The following ACER3 variants were observed in gnomAD, a reference collection of about 807,000 sequenced individuals.
The protein encoded by ACER3 is alkaline ceramidase 3.
Under a neutral mutation model 48.9 loss-of-function variants are expected in ACER3, and 16 were observed. The ratio of observed to expected loss-of-function variants is 0.33; its 90% CI spans 0.22 to 0.50. ACER3 has a LOEUF of 0.50. ACER3 is among the 20% of genes least tolerant of loss of function. The pLI, the probability that ACER3 is intolerant of heterozygous loss-of-function variation, is 0.98. For missense variants in ACER3, 227 were observed against 326.0 expected (o/e 0.70, Z 2.34); for synonymous variants, 109 against 107.8 (o/e 1.01, Z -0.07).
intron 2 of ACER3, among the ~76,000 whole-genome samples, chr11:76,950,405 AT>A (rs1947628656): frequency 3.5e-5 from 1 of 28,706 alleles, no homozygotes; most frequent in African/African-American, 9.4e-5. Context: ...ATATATATAT[AT>A]ATATAATTTA....
rs1447825186 is a variant in ACER3 at position 76,907,602 on chromosome 11, G to A, written c.104-18955G>A. 3.9e-5 allele frequency among the ~76,000 whole-genome samples: 6 copies of A among 152,294 alleles called. No individual in the cohort carries two copies. The East Asian group carries it at 1.2e-3, about 29-fold the overall frequency. ...ATAAGCCAATAAAGCCGGGCACAGT[G>A]GCTCACACCTGTAATCCCAGTGCTT... On this transcript the variant is annotated intron_variant, in intron 1 of 10. Coordinates refer to ENST00000532485, the MANE Select transcript of ACER3 (RefSeq NM_018367.7).
chr11:76,960,048 C>T (rs1439649421), intron 3 of ACER3, among the ~76,000 whole-genome samples: 1 of 152,092 alleles, frequency 6.6e-6, no homozygotes, highest in African/African-American at 2.4e-5. Flanking sequence ...ATCTGAGCTA[C>T]ATTTGTAATT....
At chr11:76,882,358 C>T (rs1317859875) in intron 1 of ACER3, among the ~76,000 whole-genome samples, 1 of 152,004 alleles carries the variant, frequency 6.6e-6, no homozygotes, top group Non-Finnish European at 1.5e-5. Context: ...TTTGATTGAC[C>T]TATCTTTATG....
At chr11:76,940,977 G>A (rs748659384) in intron 2 of ACER3, among the ~76,000 whole-genome samples, 1 of 150,986 alleles carries the variant, frequency 6.6e-6, no homozygotes, top group Non-Finnish European at 1.5e-5. Flanking sequence ...ATTTTACACT[G>A]AGTTAAGTCT....
At chr11:76,909,774 G>A (rs7129222) in intron 1 of ACER3, among the ~76,000 whole-genome samples, 106,356 of 151,896 alleles carry the variant, frequency 0.7, 37,521 homozygotes, top group Non-Finnish European at 0.74. Flanking sequence ...TACTGGGTAT[G>A]TACCCAAAGG....
intron 2 of ACER3, among the ~76,000 whole-genome samples, chr11:76,956,725 G>C (rs1252387058): frequency 7.0e-6 from 1 of 142,660 alleles, no homozygotes; most frequent in Non-Finnish European, 1.5e-5. Flanking sequence ...GTTATTGTGT[G>C]ACTTTAAATA....
chr11:76,950,831 T>A (rs1037197295), intron 2 of ACER3, among the ~76,000 whole-genome samples: 3 of 152,152 alleles, frequency 2.0e-5, no homozygotes, highest in African/African-American at 7.2e-5. Flanking sequence ...ATAGCCTTGT[T>A]ATAACCACAG....
chr11:76,903,887 A>G (rs907154817), intron 1 of ACER3, among the ~76,000 whole-genome samples: 5 of 152,112 alleles, frequency 3.3e-5, no homozygotes, highest in African/African-American at 1.2e-4. Context: ...GTCTGATAGG[A>G]GACATTTACT....
Position 77,021,135 on chromosome 11 carries a change from A to T in ACER3, c.*808A>T, listed in dbSNP as rs1188961520. 6.6e-6 allele frequency: 1 copy of T among 152,222 alleles called. No individual in the cohort carries two copies. Among genetic ancestry groups the T allele is most frequent in the African/African-American group, 2.4e-5 (1 of 41,452 alleles). The allele number at this position is 152,222 out of a possible 1,614,324, so 9.4% of individuals were successfully genotyped here. On this transcript the variant is annotated 3_prime_UTR_variant, in exon 11 of 11. Coordinates refer to ENST00000532485, the MANE Select transcript of ACER3 (RefSeq NM_018367.7). ...CTGTTTCTACGGCTAGACAAATATGACTGGTGGTCTAGACTACCCATAGTT... is the reference window on the plus strand; with the variant it reads ...CTGTTTCTACGGCTAGACAAATATGTCTGGTGGTCTAGACTACCCATAGTT...
chr11:77,004,699 A>T (rs1473870113), intron 7 of ACER3, among the ~76,000 whole-genome samples: 4 of 152,170 alleles, frequency 2.6e-5, no homozygotes, highest in African/African-American at 9.7e-5. Flanking sequence ...TTTGCTCTGA[A>T]GTCTAATTTA....
At chr11:77,001,324 C>T (rs1335519157) in intron 7 of ACER3, among the ~76,000 whole-genome samples, 1 of 152,094 alleles carries the variant, frequency 6.6e-6, no homozygotes, top group Non-Finnish European at 1.5e-5. Context: ...GGCATGATCT[C>T]GGCTCGCTGC....
chr11:76,861,447 C>G (rs932747954), intron 1 of ACER3, among the ~76,000 whole-genome samples: 3 of 152,008 alleles, frequency 2.0e-5, no homozygotes, highest in Non-Finnish European at 4.4e-5. Flanking sequence ...GGACCCTGCC[C>G]CTTGGAATGA....
chr11:76,952,135 TATATACACACACAC>T (rs1168438762), intron 2 of ACER3, among the ~76,000 whole-genome samples: 4 of 143,614 alleles, frequency 2.8e-5, no homozygotes, highest in East Asian at 2.4e-4. Flanking sequence ...ATTATATATA[TATATACACACACAC>T]ACACACACAC....
intron 6 of ACER3, among the ~76,000 whole-genome samples, chr11:76,993,372 G>A (rs2135237570): frequency 6.6e-6 from 1 of 152,268 alleles, no homozygotes; most frequent in African/African-American, 2.4e-5. Context: ...CTCAATAAAT[G>A]TTAACTAACA....
At chr11:76,948,395 A>C (rs1196280279) in intron 2 of ACER3, among the ~76,000 whole-genome samples, 4 of 152,174 alleles carry the variant, frequency 2.6e-5, no homozygotes, top group Non-Finnish European at 4.4e-5. Flanking sequence ...GCTTCTTATC[A>C]GTATAAGGAT....
chr11:77,025,408 A>ATATATATATATATATATATT lies in ACER3; in HGVS notation c.*5084_*5085insATATATATATATATATTTAT, dbSNP rs1555025501. On this transcript the variant is annotated 3_prime_UTR_variant, in exon 11 of 11. Transcript: ENST00000532485. ...TTTTATTCTTTATATATATATATAT[A>ATATATATATATATATATATT]TATTTATTTATTTTTTTGAGACAGA... is the stretch of plus-strand genomic sequence containing the variant. 6.9e-6 allele frequency: 1 copy of ATATATATATATATATATATT among 144,114 alleles called. No individual in the cohort carries two copies. Among genetic ancestry groups the ATATATATATATATATATATT allele is most frequent in the African/African-American group, 2.6e-5 (1 of 37,888 alleles). 8.9% of individuals were successfully genotyped at this position (144,114 alleles called of 1,614,324 possible).
chr11:76,889,804 T>G (rs973464076), intron 1 of ACER3, among the ~76,000 whole-genome samples: 2 of 152,160 alleles, frequency 1.3e-5, no homozygotes, highest in Admixed American at 1.3e-4. Context: ...TACTTTTTTG[T>G]ATGTTTAATT....
intron 3 of ACER3, among the ~76,000 whole-genome samples, chr11:76,961,527 G>C (rs1947993095): frequency 6.6e-6 from 1 of 150,814 alleles, no homozygotes; most frequent in Non-Finnish European, 1.5e-5. Context: ...AAAGGAACCA[G>C]GGCTGATTCC....
chr11:76,986,639 T>C (rs577741358), intron 5 of ACER3, among the ~76,000 whole-genome samples: 5 of 152,216 alleles, frequency 3.3e-5, no homozygotes, highest in African/African-American at 7.2e-5. Context: ...ACTGGTAGAA[T>C]TGGGCAAGAT....
Sources: gnomAD v4.1 joint callset for allele counts (sites outside exome capture counted in the v4.1 genomes callset) on GRCh38, gnomAD v4.1.1 for gene constraint, MANE v1.5 for transcripts, NCBI Gene and HGNC (gene_info 2026-07-23, HGNC 2026-07-21) for gene names.